UXS1: variants seen among roughly 807,000 people sequenced by gnomAD.
UXS1 encodes the protein UDP-glucuronate decarboxylase 1.
UXS1 carries 33 observed loss-of-function variants against 62.6 expected under a neutral mutation model. That is an observed-to-expected ratio of 0.53 (90% CI 0.40 to 0.70). The LOEUF (loss-of-function observed/expected upper bound fraction) is 0.70. UXS1 is among the 30% of genes least tolerant of loss of function. UXS1 has a pLI of 0.00. For synonymous variants in UXS1, 213 were observed against 206.8 expected, an observed-to-expected ratio of 1.03 and a Z score of -0.26; for missense variants, 434 against 556.3, an observed-to-expected ratio of 0.78 and a Z score of 2.21.
Position 106,194,167 on chromosome 2 carries a change from G to A in UXS1, c.75C>T (p.Ala25=), listed in dbSNP as rs911829512. 8 of 1,486,370 alleles carry A rather than the reference G, an allele frequency of 5.4e-6. No individual in the cohort carries two copies. Among genetic ancestry groups the A allele is most frequent in the Non-Finnish European group, 7.2e-6 (8 of 1,116,982 alleles). The allele number at this position is 1,486,370 out of a possible 1,614,324, so 92.1% of individuals were successfully genotyped here. ...ACTCACAGGCGACGTAGGCCAGCAAGGCGATGCCCAGCAGCAGCTTCATCC... is the reference window on the plus strand; with the variant it reads ...ACTCACAGGCGACGTAGGCCAGCAAAGCGATGCCCAGCAGCAGCTTCATCC... The part of the protein sequence containing the change: ...RRRMKLLLGI[A]LLAYVASVWG... The change falls in exon 1 of 15, where the codon GCC becomes GCT. Residue 25 remains alanine (A), a synonymous_variant. Coordinates refer to ENST00000283148, the MANE Select transcript of UXS1 (RefSeq NM_001253875.2).
At chr2:106,151,760 C>A (rs1281805136) in intron 5 of UXS1, among the ~76,000 whole-genome samples, 1 of 152,166 alleles carries the variant, frequency 6.6e-6, no homozygotes, top group African/African-American at 2.4e-5. Flanking sequence ...ATGCATATAC[C>A]TTTTTGATGC....
rs374797566 is a variant in UXS1, at chr2:106,191,205, G to A, written c.94+2943C>T. Among the ~76,000 whole-genome samples, 33 of 152,288 alleles carry A rather than the reference G, an allele frequency of 2.2e-4. 1 individual carries two copies. In the East Asian group the frequency reaches 5.2e-3, roughly 24 times the overall value. ...TTTGGGAAAGATGTAAGGAGGAGAA[G>A]GAGAAAGGCTAACAGAACTTGAGTT... is the stretch of plus-strand genomic sequence containing the variant. On this transcript the variant is annotated intron_variant, in intron 1 of 14. Transcript: ENST00000283148.
chr2:106,187,889 C>T (rs990663102), intron 1 of UXS1, among the ~76,000 whole-genome samples: 3 of 152,008 alleles, frequency 2.0e-5, no homozygotes, highest in Non-Finnish European at 4.4e-5. Context: ...TACAGGCGCC[C>T]GCCACCATGC....
chr2:106,103,698 C>T (rs997220107), intron 11 of UXS1, among the ~76,000 whole-genome samples: 3 of 152,206 alleles, frequency 2.0e-5, no homozygotes, highest in African/African-American at 7.2e-5. Flanking sequence ...TGGGCTTTTG[C>T]CCCTTGAGGC....
intron 1 of UXS1, among the ~76,000 whole-genome samples, chr2:106,193,080 G>A (rs1284958092): frequency 6.6e-6 from 1 of 152,068 alleles, no homozygotes; most frequent in Non-Finnish European, 1.5e-5. Flanking sequence ...AGTCCTGCTG[G>A]GGTTTTCCAG....
At chr2:106,102,477 T>C (rs1677674210) in intron 11 of UXS1, 1 of 152,204 alleles carries the variant, frequency 6.6e-6, no homozygotes, top group Non-Finnish European at 1.5e-5. Flanking sequence ...AAGGTCAAAA[T>C]TGCATAGATC....
intron 2 of UXS1, 133 bp downstream of exon 2, chr2:106,165,923 T>C (rs1051167889): frequency 2.6e-6 from 2 of 763,110 alleles, no homozygotes; most frequent in Non-Finnish European, 4.0e-6. Flanking sequence ...AGCTCAGATA[T>C]GTGAATAGCA....
At chr2:106,108,583 G>A (rs1678295268) in intron 10 of UXS1, among the ~76,000 whole-genome samples, 3 of 152,148 alleles carry the variant, frequency 2.0e-5, no homozygotes, top group South Asian at 4.1e-4. Context: ...TGTGAGATTC[G>A]GTCCCTCTGG....
At chr2:106,140,481 C>G (rs1482815463) in intron 6 of UXS1, among the ~76,000 whole-genome samples, 2 of 152,154 alleles carry the variant, frequency 1.3e-5, no homozygotes, top group African/African-American at 2.4e-5. Flanking sequence ...GACTCAATCC[C>G]CTTGGCAAAC....
intron 1 of UXS1, among the ~76,000 whole-genome samples, chr2:106,192,831 C>T (rs574499343): frequency 2.6e-5 from 4 of 152,284 alleles, no homozygotes; most frequent in African/African-American, 9.6e-5. Context: ...CCCAGGGTTG[C>T]TCAATGATTG....
At chr2:106,171,997 G>T (rs912546422) in intron 1 of UXS1, among the ~76,000 whole-genome samples, 9 of 152,256 alleles carry the variant, frequency 5.9e-5, no homozygotes, top group Admixed American at 2.6e-4. Flanking sequence ...CCTCATGCAG[G>T]CTTTGCCTTC....
intron 1 of UXS1, among the ~76,000 whole-genome samples, chr2:106,174,642 G>T (rs1040362606): frequency 6.6e-6 from 1 of 152,228 alleles, no homozygotes; most frequent in Non-Finnish European, 1.5e-5. Context: ...CGTAGTGAGA[G>T]GCCACAGCCC....
intron 4 of UXS1, among the ~76,000 whole-genome samples, chr2:106,158,836 T>G (rs553632832): frequency 3.5e-4 from 54 of 152,332 alleles, no homozygotes; most frequent in African/African-American, 1.3e-3. Flanking sequence ...ACAGATAACA[T>G]CACTATTGTG....
In UXS1 at chr2:106,143,385, G is replaced by A. The variant is rs188078756; in HGVS notation, c.472+1805C>T. Among the ~76,000 whole-genome samples, 39 of 106,700 alleles carry A rather than the reference G, an allele frequency of 3.7e-4. 1 individual carries two copies. The highest frequency in any genetic ancestry group is 1.4e-3 in the African/African-American group (38 of 28,004). The allele number at this position is 106,700 out of a possible 152,430, so 70.0% of individuals were successfully genotyped here. The stretch of plus-strand genomic sequence containing the variant: ...GATCGTGCCACTGCACTCCAGCCTG[G>A]GCAACAGAGAGAGACTCCGTCTCAA... On this transcript the variant is annotated intron_variant, in intron 6 of 14. Transcript: ENST00000283148.
intron 9 of UXS1, among the ~76,000 whole-genome samples, chr2:106,116,552 C>G (rs1219030461): frequency 2.0e-5 from 3 of 152,360 alleles, no homozygotes; most frequent in Non-Finnish European, 4.4e-5. Context: ...AGGACCCTCT[C>G]TTTGTCCATG....
In UXS1 at chr2:106,096,647, G is replaced by A. The variant is rs1677134223; in HGVS notation, c.1146+71C>T. The A allele has an allele frequency of 2.1e-6, 3 of 1,395,876 alleles. No individual in the cohort carries two copies. The South Asian group carries it at 4.2e-5, about 20-fold the overall frequency. The allele number at this position is 1,395,876 out of a possible 1,614,324, so 86.5% of individuals were successfully genotyped here. On this transcript the variant is annotated intron_variant, in intron 14 of 14. Coordinates refer to ENST00000283148, the MANE Select transcript of UXS1 (RefSeq NM_001253875.2). ...CGGGGGCTGTCTGACAAGGGTCAGT[G>A]CCTACAGGACAGCAGACACAGGACA...
At chr2:106,165,592 A>C (rs2105062889) in intron 2 of UXS1, among the ~76,000 whole-genome samples, 1 of 152,192 alleles carries the variant, frequency 6.6e-6, no homozygotes. Context: ...CCCTATGAAG[A>C]AGCACACACG....
At chr2:106,169,138 T>G (rs1039981926) in intron 1 of UXS1, among the ~76,000 whole-genome samples, 11 of 152,268 alleles carry the variant, frequency 7.2e-5, no homozygotes, top group African/African-American at 2.6e-4. Flanking sequence ...GCCACCAGAG[T>G]CCACAAAGAT....
At chr2:106,180,298 C>T (rs754102228) in intron 1 of UXS1, among the ~76,000 whole-genome samples, 9 of 152,178 alleles carry the variant, frequency 5.9e-5, no homozygotes, top group Non-Finnish European at 1.3e-4. Context: ...CCATATACTT[C>T]CAGACTGTTT....
Sources: gnomAD v4.1 joint callset for allele counts (sites outside exome capture counted in the v4.1 genomes callset) on GRCh38, gnomAD v4.1.1 for gene constraint, MANE v1.5 for transcripts, NCBI Gene and HGNC (gene_info 2026-07-23, HGNC 2026-07-21) for gene names.